The following RSBN1L variants were observed in gnomAD, a reference collection of about 807,000 sequenced individuals.
RSBN1L encodes lysine-specific demethylase RSBN1L.
Under a neutral mutation model 67.7 loss-of-function variants are expected in RSBN1L, and 30 were observed. The ratio of observed to expected loss-of-function variants is 0.44; its 90% CI spans 0.33 to 0.60. The LOEUF (loss-of-function observed/expected upper bound fraction) is 0.60. Among genes scored for constraint, RSBN1L ranks in the 20% least tolerant of loss-of-function variants. The probability of loss-of-function intolerance (pLI) is 0.02; values close to 1 mark genes in which losing one functional copy is unlikely to be tolerated. For synonymous variants in RSBN1L, 433 were observed against 387.0 expected (o/e 1.12, Z -1.39); for missense variants, 992 against 1,031.7 (o/e 0.96, Z 0.53).
intron 1 of RSBN1L, among the ~76,000 whole-genome samples, chr7:77,718,397 C>G (rs1482635168): frequency 6.6e-6 from 1 of 152,052 alleles, no homozygotes; most frequent in East Asian, 1.9e-4. Context: ...CTCAGTTGAT[C>G]CTCCCACCTC....
chr7:77,742,640 C>A (rs1791428462), intron 2 of RSBN1L, among the ~76,000 whole-genome samples: 1 of 152,226 alleles, frequency 6.6e-6, no homozygotes, highest in Admixed American at 6.5e-5. Flanking sequence ...GAGTTTGAGA[C>A]CAGCCTGGCC....
Position 77,750,007 on chromosome 7 carries a change from G to A in RSBN1L, c.1287G>A (p.Met429Ile), listed in dbSNP as rs750303419. ...SFNFPNSPVK[M>I]EILGKKDIET... ...ATTTTCCCAATTCACCAGTGAAAAT[G>A]GAGATATTGGGAAAGAAAGATATAG... is the stretch of plus-strand genomic sequence containing the variant. The change falls in exon 3 of 8, where the codon ATG becomes ATA. Residue 429 changes from methionine to isoleucine, a missense_variant. Physicochemically the swap from Met to Ile is conservative, Grantham distance 10. Coordinates refer to ENST00000334955, the MANE Select transcript of RSBN1L (RefSeq NM_198467.3). 1.2e-6 allele frequency: 2 copies of A among 1,612,796 alleles called. No individual in the cohort carries two copies. Among genetic ancestry groups the A allele is most frequent in the African/African-American group, 1.3e-5 (1 of 74,968 alleles).
At chr7:77,769,986 GT>G (rs1791825090) in intron 5 of RSBN1L, among the ~76,000 whole-genome samples, 1 of 152,130 alleles carries the variant, frequency 6.6e-6, no homozygotes, top group Admixed American at 6.5e-5. Context: ...AACACGAAAG[GT>G]AAATAAATTT....
chr7:77,766,218 C>T (rs1791764270), intron 4 of RSBN1L, among the ~76,000 whole-genome samples: 1 of 152,266 alleles, frequency 6.6e-6, no homozygotes, highest in Middle Eastern at 3.4e-3. Flanking sequence ...TTTTTTGAGA[C>T]AGCCTCACTC....
chr7:77,697,497 C>G (rs2150409861), intron 1 of RSBN1L: 1 of 157,464 alleles, frequency 6.4e-6, no homozygotes, highest in South Asian at 2.0e-4. Context: ...ATAATCCTGT[C>G]AAAAAAGGGG....
chr7:77,762,380 C>A (rs771985618), intron 3 of RSBN1L, among the ~76,000 whole-genome samples: 19 of 152,022 alleles, frequency 1.2e-4, no homozygotes, highest in Admixed American at 2.6e-4. Flanking sequence ...GGGGAAAAAT[C>A]GGTTTTTGAT....
chr7:77,708,356 G>C (rs555391500), intron 1 of RSBN1L, among the ~76,000 whole-genome samples: 21 of 151,604 alleles, frequency 1.4e-4, no homozygotes, highest in African/African-American at 4.9e-4. Flanking sequence ...GTTGGCCACA[G>C]TGTGCCTTCC....
At chr7:77,750,171 A>G (rs1461015084) in intron 3 of RSBN1L, 107 bp downstream of exon 3, 2 of 607,502 alleles carry the variant, frequency 3.3e-6, no homozygotes, top group Non-Finnish European at 5.1e-6. Flanking sequence ...TAAGAATATA[A>G]TGAAACCATT....
chr7:77,747,497 G>T (rs1375962613), intron 2 of RSBN1L, among the ~76,000 whole-genome samples: 1 of 152,084 alleles, frequency 6.6e-6, no homozygotes, highest in East Asian at 1.9e-4. Context: ...TCCAGCTGTG[G>T]CTCAAAGGTG....
chr7:77,761,036 A>G (rs1383961830), intron 3 of RSBN1L, among the ~76,000 whole-genome samples: 1 of 152,264 alleles, frequency 6.6e-6, no homozygotes, highest in Non-Finnish European at 1.5e-5. Flanking sequence ...AAGCAAATAT[A>G]GTAAGCTCAC....
intron 1 of RSBN1L, among the ~76,000 whole-genome samples, chr7:77,712,287 A>T (rs10242008): frequency 0.13 from 18,644 of 145,794 alleles, 1,228 homozygotes; most frequent in African/African-American, 0.16. Flanking sequence ...TACATACATG[A>T]TTTTTTTTTT....
chr7:77,712,167 CTGT>C (rs1790983821), intron 1 of RSBN1L, among the ~76,000 whole-genome samples: 1 of 151,862 alleles, frequency 6.6e-6, no homozygotes, highest in African/African-American at 2.4e-5. Flanking sequence ...ATCTGAAATA[CTGT>C]TGTTTTAATG....
In RSBN1L at chr7:77,771,511, C is replaced by CTTTT. The variant is rs10630112; in HGVS notation, c.1626-1623_1626-1620dup. ...AAAATTGATGTGTTCCTCAGCGACTCTTTTTTTTTTTTTTTTGAGATAGAG... is the reference window on the plus strand; with the variant it reads ...AAAATTGATGTGTTCCTCAGCGACTCTTTTTTTTTTTTTTTTTTTTGAGATAGAG... On this transcript the variant is annotated intron_variant, in intron 5 of 7. Coordinates refer to ENST00000334955, the MANE Select transcript of RSBN1L (RefSeq NM_198467.3). Among the ~76,000 whole-genome samples, 234 of 136,110 alleles carry CTTTT rather than the reference C, an allele frequency of 1.7e-3. 3 individuals are homozygous for CTTTT. Among genetic ancestry groups the CTTTT allele is most frequent in the Admixed American group, 4.2e-3 (57 of 13,632 alleles). 89.3% of individuals were successfully genotyped at this position (136,110 alleles called of 152,430 possible). A position where few individuals can be genotyped will look rare whatever the true frequency, so the allele number is the denominator to read the frequency against.
intron 1 of RSBN1L, among the ~76,000 whole-genome samples, chr7:77,714,958 CAAAA>C (rs35501995): frequency 5.5e-5 from 5 of 91,464 alleles, no homozygotes; most frequent in Admixed American, 1.2e-4. Flanking sequence ...GACTCCATCT[CAAAA>C]AAAAAAAAAA....
intron 1 of RSBN1L, among the ~76,000 whole-genome samples, chr7:77,720,261 G>A (rs779145531): frequency 6.6e-6 from 1 of 152,080 alleles, no homozygotes; most frequent in Non-Finnish European, 1.5e-5. Flanking sequence ...ATGTTGCCTT[G>A]TTATAAAAAT....
chr7:77,768,064 G>C (rs1238310201), intron 4 of RSBN1L, among the ~76,000 whole-genome samples: 2 of 150,476 alleles, frequency 1.3e-5, no homozygotes, highest in Non-Finnish European at 3.0e-5. Flanking sequence ...GGCCAGGACG[G>C]TCTCGATATC....
chr7:77,773,092 T>A (rs1420846098), intron 5 of RSBN1L, 55 bp from the exon 6 acceptor site: 1 of 928,396 alleles, frequency 1.1e-6, no homozygotes, highest in African/African-American at 1.7e-5. Flanking sequence ...TATTGAATGT[T>A]TGATAGCAAT....
chr7:77,731,872 C>T (rs1791276553), intron 1 of RSBN1L, among the ~76,000 whole-genome samples: 1 of 151,760 alleles, frequency 6.6e-6, no homozygotes, highest in Non-Finnish European at 1.5e-5. Context: ...TGTGGATATC[C>T]AGTTGTTCCA....
In RSBN1L at chr7:77,726,670, C is replaced by T. The variant is rs376575040; in HGVS notation, c.587-9740C>T. Among the ~76,000 whole-genome samples, 189 of 150,702 alleles carry T rather than the reference C, an allele frequency of 1.3e-3. 2 individuals are homozygous for T. The highest frequency in any genetic ancestry group is 4.0e-3 in the African/African-American group (163 of 41,000). Reference sequence around the variant, plus strand: ...TGTCACCCAGGCTGGAGTGCAGTGGCGCAATCTAGGTTCACCGCAACTTCT... The same window carrying T: ...TGTCACCCAGGCTGGAGTGCAGTGGTGCAATCTAGGTTCACCGCAACTTCT... On this transcript the variant is annotated intron_variant, in intron 1 of 7. Transcript: ENST00000334955.
Sources: gnomAD v4.1 joint callset for allele counts (sites outside exome capture counted in the v4.1 genomes callset) on GRCh38, gnomAD v4.1.1 for gene constraint, MANE v1.5 for transcripts, NCBI Gene and HGNC (gene_info 2026-07-23, HGNC 2026-07-21) for gene names.